BAHCC1: variants seen among roughly 807,000 people sequenced by gnomAD.
BAHCC1 encodes BAH domain and coiled-coil containing 1, also known as BAH and coiled-coil domain-containing protein 1.
A neutral mutation model predicts 88.2 loss-of-function variants in BAHCC1; 43 were observed. The observed-to-expected ratio is 0.49, with a 90% CI of 0.38 to 0.63. The LOEUF is 0.63. Ranked by LOEUF, BAHCC1 falls within the 20% of genes least tolerant of loss-of-function variation. The pLI, the probability that BAHCC1 is intolerant of heterozygous loss-of-function variation, is 0.00. For missense variants in BAHCC1, 3,023 were observed against 1,654.8 expected, an observed-to-expected ratio of 1.83 and a Z score of -14.34; for synonymous variants, 1,510 against 745.5, an observed-to-expected ratio of 2.03 and a Z score of -16.71.
At chr17:81,438,616 G>A in intron 4 of BAHCC1, 124 bp downstream of exon 4, 1 of 661,252 alleles carries the variant, frequency 1.5e-6, no homozygotes. Flanking sequence ...TGTCATCGAG[G>A]CCAGGGTGGG....
intron 17 of BAHCC1, among the ~76,000 whole-genome samples, chr17:81,457,945 G>C (rs12935849): frequency 7.4e-6 from 1 of 135,718 alleles, no homozygotes; most frequent in Non-Finnish European, 1.6e-5. Flanking sequence ...GGGAGGGCAG[G>C]GGTTGCTGGG....
Position 81,447,454 on chromosome 17 carries a change from C to T in BAHCC1, c.3582C>T (p.Pro1194=). ...ERSREEGEQG[P]SSGASSQVLE... ...GCAGGGAGGAGGGGGAGCAGGGGCC[C>T]TCGTCAGGGGCCTCCTCCCAAGTCC... Residue 1194 remains proline, a synonymous_variant, in exon 11 of 28, where the codon CCC becomes CCT. Transcript: ENST00000675386. The T allele has an allele frequency of 1.3e-6, 1 of 742,034 alleles. No individual in the cohort carries two copies. The highest frequency in any genetic ancestry group is 1.4e-5 in the South Asian group (1 of 69,610). 46.0% of individuals were successfully genotyped at this position (742,034 alleles called of 1,614,324 possible). A position where few individuals can be genotyped will look rare whatever the true frequency, so the allele number is the denominator to read the frequency against.
chr17:81,399,144 T>TGTGTGG lies in BAHCC1; in HGVS notation c.-206-385_-206-384insGGTGTG. On this transcript the variant is annotated intron_variant, in intron 1 of 27. Transcript: ENST00000675386. The surrounding 1 kb of genome is among the most constrained non-coding windows in gnomAD (Gnocchi z 4.5). ...GTGCGTGTGAGTGTGTGTGTGTGTG[T>TGTGTGG]GTGTGTGTGCGAGTGTGCGTGATGG... 2.7e-6 allele frequency: 1 copy of TGTGTGG among 376,226 alleles called. No homozygotes were observed. The highest frequency in any genetic ancestry group is 5.4e-6 in the Non-Finnish European group (1 of 185,400). 23.3% of individuals were successfully genotyped at this position (376,226 alleles called of 1,614,324 possible).
chr17:81,416,635 T>C (rs2064035361), intron 2 of BAHCC1, among the ~76,000 whole-genome samples: 1 of 152,184 alleles, frequency 6.6e-6, no homozygotes, highest in East Asian at 1.9e-4. Context: ...TGAGGATGGG[T>C]GTATGCACAT....
intron 15 of BAHCC1, among the ~76,000 whole-genome samples, chr17:81,455,950 C>T (rs1396859207): frequency 6.6e-6 from 1 of 152,176 alleles, no homozygotes; most frequent in Admixed American, 6.5e-5. Context: ...ACCTGTCTGC[C>T]CAGGGGGCTG....
rs1555657894 is a variant in BAHCC1 at position 81,458,197 on chromosome 17, G to A, written c.5074G>A (p.Val1692Ile). Residue 1692 changes from valine (V) to isoleucine (I), a missense_variant, in exon 18 of 28, where the codon GTC becomes ATC. Physicochemically the swap from Val to Ile is conservative, Grantham distance 29. Transcript: ENST00000675386. ...ACRLSSPESE[V>I]KIKRRSVKAK... ...CCGCCTGTCCAGCCCTGAGAGTGAG[G>A]TCAAGATCAAGAGGCGGTCGGTGAA... The A allele has an allele frequency of 5.5e-6, 4 of 726,342 alleles. No individual in the cohort carries two copies. The highest frequency in any genetic ancestry group is 2.9e-5 in the South Asian group (2 of 68,142). 45.0% of individuals were successfully genotyped at this position (726,342 alleles called of 1,614,324 possible). A position where few individuals can be genotyped will look rare whatever the true frequency, so the allele number is the denominator to read the frequency against.
intron 2 of BAHCC1, among the ~76,000 whole-genome samples, chr17:81,404,909 G>A (rs1555646610): frequency 1.3e-5 from 2 of 152,168 alleles, no homozygotes; most frequent in African/African-American, 4.8e-5. Context: ...CTTTCATCCT[G>A]GGTGGTTTGG....
At chr17:81,429,510 G>A (rs978235529) in intron 3 of BAHCC1, among the ~76,000 whole-genome samples, 1 of 152,120 alleles carries the variant, frequency 6.6e-6, no homozygotes, top group Admixed American at 6.5e-5. Context: ...CTGGCTGCCC[G>A]GGCAGCATGC....
chr17:81,462,783 C>T lies in BAHCC1; in HGVS notation c.7427C>T (p.Ala2476Val). ...KGKARKLFYK[A>V]IVRGEETLRV... ...AAGGCCCGGAAGCTGTTCTACAAGGCCATCGTGCGGGGCGAGGAGACCCTG... is the reference window on the plus strand; with the variant it reads ...AAGGCCCGGAAGCTGTTCTACAAGGTCATCGTGCGGGGCGAGGAGACCCTG... Residue 2476 changes from alanine to valine, a missense_variant, in exon 27 of 28, where the codon GCC (alanine) becomes GTC (valine). Ala to Val is a moderately conservative substitution (Grantham distance 64, BLOSUM62 0). Transcript: ENST00000675386. The T allele has an allele frequency of 1.3e-6, 1 of 778,338 alleles. No individual in the cohort carries two copies. The highest frequency in any genetic ancestry group is 2.4e-6 in the Non-Finnish European group (1 of 416,704). 48.2% of individuals were successfully genotyped at this position (778,338 alleles called of 1,614,324 possible). A position where few individuals can be genotyped will look rare whatever the true frequency, so the allele number is the denominator to read the frequency against.
At chr17:81,463,144 T>TA (rs1555659983) in intron 27 of BAHCC1, among the ~76,000 whole-genome samples, 168 bp downstream of exon 27, 1 of 152,064 alleles carries the variant, frequency 6.6e-6, no homozygotes, top group African/African-American at 2.4e-5. Context: ...GGGCATGCCC[T>TA]AGAGCAGGGC....
In BAHCC1 at chr17:81,411,426, G is replaced by A. The variant is rs1309755159; in HGVS notation, c.178+11509G>A. The A allele has an allele frequency of 8.5e-6, 3 of 354,628 alleles. No individual in the cohort carries two copies. The highest frequency in any genetic ancestry group is 1.1e-5 in the Non-Finnish European group (2 of 178,424). 22.0% of individuals were successfully genotyped at this position (354,628 alleles called of 1,614,324 possible). On this transcript the variant is annotated intron_variant, in intron 2 of 27. Coordinates refer to ENST00000675386, the MANE Select transcript of BAHCC1 (RefSeq NM_001377448.1). The surrounding 1 kb of genome is among the most constrained non-coding windows in gnomAD (Gnocchi z 6.2). ...ACTGCATTCAAATTGATCAGGGAGG[G>A]TGGGGTTGGGGGGGAACAGGGTCCT...
chr17:81,458,658 G>A lies in BAHCC1; in HGVS notation c.5381G>A (p.Arg1794His), dbSNP rs770367101. ...GCCCTGTCCATCACGCTGGCCACAC[G>A]CAACGCCAAGGCCATCCTGGGGAAG... is the stretch of plus-strand genomic sequence containing the variant. ...NGALSITLAT[R>H]NAKAILGKGR... The change falls in exon 19 of 28, where the codon CGC becomes CAC. Residue 1794 changes from arginine to histidine, a missense_variant. Arg to His is a conservative substitution (Grantham distance 29). Coordinates refer to ENST00000675386, the MANE Select transcript of BAHCC1 (RefSeq NM_001377448.1). 5.5e-5 allele frequency: 40 copies of A among 720,942 alleles called. No homozygotes were observed. Among genetic ancestry groups the A allele is most frequent in the Middle Eastern group, 2.3e-4 (1 of 4,354 alleles). The allele number at this position is 720,942 out of a possible 1,614,324, so 44.7% of individuals were successfully genotyped here.
rs782413021 is a variant in BAHCC1, at chr17:81,461,098, C to T, written c.6435C>T (p.Ala2145=). Residue 2145 remains alanine, a synonymous_variant, in exon 26 of 28, where the codon GCC becomes GCT. Transcript: ENST00000675386. ...CCCTGTTCCCCGTGCACAGCGTGGC[C>T]ACACCCATATTTGGCAACGGCTTCC... ...REALFPVHSV[A]TPIFGNGFRA... The T allele has an allele frequency of 9.1e-6, 7 of 767,986 alleles. No individual in the cohort carries two copies. The East Asian group carries it at 1.7e-4, about 19-fold the overall frequency. 47.6% of individuals were successfully genotyped at this position (767,986 alleles called of 1,614,324 possible). A position where few individuals can be genotyped will look rare whatever the true frequency, so the allele number is the denominator to read the frequency against.
intron 2 of BAHCC1, among the ~76,000 whole-genome samples, chr17:81,407,702 C>A (rs1421402376): frequency 6.6e-6 from 1 of 152,206 alleles, no homozygotes; most frequent in Non-Finnish European, 1.5e-5. Flanking sequence ...TTGGGTGAGG[C>A]CCACTCTGCA....
rs1567987320 is a variant in BAHCC1, at chr17:81,395,665, T to TG, written c.-207+30_-207+31insG. ...GTAACTGAAATTGCTTTCATTTTTT[T>TG]TTTGTTTTTGTATTTTTATTATTAT... On this transcript the variant is annotated intron_variant, in intron 1 of 27. Transcript: ENST00000675386. 4.0e-5 allele frequency: 6 copies of TG among 151,876 alleles called. No individual in the cohort carries two copies. The South Asian group carries it at 6.2e-4, about 16-fold the overall frequency. 9.4% of individuals were successfully genotyped at this position (151,876 alleles called of 1,614,324 possible).
intron 23 of BAHCC1, 77 bp from the exon 24 acceptor site, chr17:81,460,200 G>C: frequency 2.9e-6 from 2 of 683,130 alleles, no homozygotes; most frequent in Non-Finnish European, 5.4e-6. Flanking sequence ...CCTCCCCACC[G>C]GCTTTGGCAG....
chr17:81,410,506 G>A (rs374672985), intron 2 of BAHCC1, among the ~76,000 whole-genome samples: 3 of 152,240 alleles, frequency 2.0e-5, no homozygotes, highest in Admixed American at 6.5e-5. Flanking sequence ...GTGTGAAGGT[G>A]GACGCCCACC....
chr17:81,403,671 C>T (rs546096933), intron 2 of BAHCC1, among the ~76,000 whole-genome samples: 3 of 152,252 alleles, frequency 2.0e-5, no homozygotes, highest in South Asian at 2.1e-4. Flanking sequence ...CTCCATGACA[C>T]GATGGAGTGT....
chr17:81,459,649 C>T, intron 23 of BAHCC1, 45 bp downstream of exon 23: 1 of 777,652 alleles, frequency 1.3e-6, no homozygotes, highest in Admixed American at 1.7e-5. Context: ...CCCTCTGAGA[C>T]CCACAGGCTC....
Sources: allele counts gnomAD v4.1 joint callset (sites outside exome capture counted in the v4.1 genomes callset), GRCh38; gene constraint gnomAD v4.1.1; non-coding constraint Gnocchi (gnomAD v3.1); transcripts MANE v1.5; gene names NCBI Gene and HGNC (gene_info 2026-07-23, HGNC 2026-07-21).